BAZ2A: variants seen among roughly 807,000 people sequenced by gnomAD.
The protein encoded by BAZ2A is bromodomain adjacent to zinc finger domain protein 2A.
Under a neutral mutation model 199.9 loss-of-function variants are expected in BAZ2A, and 34 were observed. The observed-to-expected ratio is 0.17, with a 90% CI of 0.13 to 0.23. The LOEUF (loss-of-function observed/expected upper bound fraction) is 0.23. Ranked by LOEUF, BAZ2A falls within the 10% of genes least tolerant of loss-of-function variation. The probability of loss-of-function intolerance (pLI) is 1.00; values close to 1 mark genes in which losing one functional copy is unlikely to be tolerated. For missense variants in BAZ2A, 2,002 were observed against 2,391.1 expected, an observed-to-expected ratio of 0.84 and a Z score of 3.39; for synonymous variants, 857 against 883.9, an observed-to-expected ratio of 0.97 and a Z score of 0.54.
upstream of BAZ2A, among the ~76,000 whole-genome samples, chr12:56,632,627 C>A (rs1951345614): frequency 6.6e-6 from 1 of 152,046 alleles, no homozygotes; most frequent in African/African-American, 2.4e-5. Flanking sequence ...CAGCCAGGAG[C>A]GGTTAGGAAG....
chr12:56,609,032 C>T (rs1233863209), intron 10 of BAZ2A, among the ~76,000 whole-genome samples: 3 of 151,852 alleles, frequency 2.0e-5, no homozygotes, highest in African/African-American at 7.3e-5. Context: ...CACCACCACG[C>T]CCAGCTAATT....
intron 3 of BAZ2A, chr12:56,614,356 G>A: frequency 2.0e-6 from 1 of 488,938 alleles, no homozygotes; most frequent in Non-Finnish European, 3.7e-6. Flanking sequence ...AAGAGAGTGG[G>A]GTCTGATACA....
Position 56,599,226 on chromosome 12 carries a change from G to A in BAZ2A, c.5305C>T (p.Pro1769Ser). ...TCCGAGTACCGAGGCCCTGCTGCTG[G>A]GCTTTCTCGGCCCCTCAACAGTACC... Reference protein sequence around the residue: ...RRVLLRGRESPAAGPRYSEEG... With the variant: ...RRVLLRGRESSAAGPRYSEEG... The change falls in exon 27 of 29, where the codon CCA becomes TCA. Residue 1769 changes from proline (P) to serine (S), a missense_variant. This residue lies in a region of BAZ2A where 122 missense variants were observed against 123.0 expected (regional missense o/e 0.99). Transcript: ENST00000549884. The A allele has an allele frequency of 6.2e-7, 1 of 1,613,230 alleles. No individual in the cohort carries two copies. The highest frequency in any genetic ancestry group is 8.5e-7 in the Non-Finnish European group (1 of 1,179,674).
intron 13 of BAZ2A, 162 bp downstream of exon 13, chr12:56,605,668 C>G: frequency 1.2e-6 from 1 of 807,808 alleles, no homozygotes; most frequent in Non-Finnish European, 1.9e-6. Flanking sequence ...GCGATCTGCC[C>G]GCCTCGGCCT....
intron 3 of BAZ2A, 54 bp downstream of exon 3, chr12:56,614,960 C>A (rs765853025): frequency 6.7e-7 from 1 of 1,483,296 alleles, no homozygotes. Flanking sequence ...AAGCCACTAT[C>A]CCCCCCGAGC....
upstream of BAZ2A, among the ~76,000 whole-genome samples, chr12:56,632,984 T>G (rs1010358973): frequency 2.0e-5 from 3 of 152,218 alleles, 1 homozygote; most frequent in Admixed American, 2.0e-4. Flanking sequence ...TCCCCACCCA[T>G]TTCCCTTCAG....
chr12:56,625,899 A>C (rs1565836570), intron 1 of BAZ2A, among the ~76,000 whole-genome samples: 1 of 148,368 alleles, frequency 6.7e-6, no homozygotes, highest in Admixed American at 6.7e-5. Context: ...AAAAAAAAAC[A>C]ACAACAAAAA....
chr12:56,625,913 TCTTC>T (rs981887940), intron 1 of BAZ2A, among the ~76,000 whole-genome samples: 23 of 151,652 alleles, frequency 1.5e-4, no homozygotes, highest in African/African-American at 5.3e-4. Context: ...ACAAAAAACT[TCTTC>T]CTTTCTTTGG....
chr12:56,627,447 C>A (rs1355449864), intron 1 of BAZ2A, among the ~76,000 whole-genome samples: 37 of 135,302 alleles, frequency 2.7e-4, no homozygotes, highest in African/African-American at 1.1e-3. Flanking sequence ...GCCTGGGCAA[C>A]AGAGCGAGAC....
rs1565825999 is a variant in BAZ2A at position 56,615,175 on chromosome 12, G to A, written c.569C>T (p.Thr190Ile). 2 of 1,613,796 alleles carry A rather than the reference G, an allele frequency of 1.2e-6. No individual in the cohort carries two copies. Among genetic ancestry groups the A allele is most frequent in the Admixed American group, 1.7e-5 (1 of 59,984 alleles). Residue 190 changes from threonine (T) to isoleucine (I), a missense_variant, in exon 3 of 29, where the codon ACT becomes ATT. Physicochemically the swap from Thr to Ile is moderately conservative, Grantham distance 89. Coordinates refer to ENST00000549884, the MANE Select transcript of BAZ2A (RefSeq NM_001300905.2). ...GPPSFFTSPQ[T>I]SPMLGSSIQT... Reference sequence around the variant, plus strand: ...AATGCTAGATCCCAACATAGGAGAAGTCTGTGGGGAGGTGAAAAAACTAGG... The same window carrying A: ...AATGCTAGATCCCAACATAGGAGAAATCTGTGGGGAGGTGAAAAAACTAGG...
intron 12 of BAZ2A, 28 bp downstream of exon 12, chr12:56,606,219 T>C (rs1950347494): frequency 1.2e-6 from 2 of 1,613,624 alleles, no homozygotes; most frequent in Non-Finnish European, 1.7e-6. Flanking sequence ...TTCGAAATTA[T>C]ACTTGGCAAG....
chr12:56,598,193 TAC>T lies in BAZ2A; in HGVS notation c.*423_*424del, dbSNP rs1205914276. ...GCCGTCACTGCGGGTCCGCACACAG[TAC>T]AGAGTGTTTCTTGGTTTCACACATT... On this transcript the variant is annotated 3_prime_UTR_variant, in exon 29 of 29. Transcript: ENST00000549884. 2 of 205,436 alleles carry T rather than the reference TAC, an allele frequency of 9.7e-6. No homozygotes were observed. Among genetic ancestry groups the T allele is most frequent in the Admixed American group, 5.3e-5 (1 of 18,884 alleles). The allele number at this position is 205,436 out of a possible 1,614,324, so 12.7% of individuals were successfully genotyped here. A position where few individuals can be genotyped will look rare whatever the true frequency, so the allele number is the denominator to read the frequency against.
chr12:56,602,232 A>AC, intron 19 of BAZ2A, 40 bp from the exon 20 acceptor site: 4 of 1,489,256 alleles, frequency 2.7e-6, no homozygotes, highest in Non-Finnish European at 3.6e-6. Flanking sequence ...ATGCTGACAT[A>AC]CAAGGGAAAA....
rs1950580184 is a variant in BAZ2A, at chr12:56,612,218, A to G, written c.1164T>C (p.Ser388=). 1.2e-6 allele frequency: 2 copies of G among 1,613,720 alleles called. No homozygotes were observed. Among genetic ancestry groups the G allele is most frequent in the Admixed American group, 3.3e-5 (2 of 60,000 alleles). The change falls in exon 6 of 29, where the codon AGT becomes AGC. Residue 388 remains serine, a synonymous_variant. Coordinates refer to ENST00000549884, the MANE Select transcript of BAZ2A (RefSeq NM_001300905.2). ...QDNSFDLNNG[S]DAEQEEMETQ... is the part of the protein sequence containing the mutation. ...TTTCCATTTCTTCCTGTTCAGCGTC[A>G]CTACCATTATTCAGGTCAAAGCTGT...
chr12:56,598,799 G>C lies in BAZ2A; in HGVS notation c.5547-16C>G, dbSNP rs1189756531. ...GCTGGTGTACCTGGACAGGGCAGGG[G>C]CAAAACTGTGAGCTGGGTAGGAGTT... is the stretch of plus-strand genomic sequence containing the variant. On this transcript the variant is annotated splice_polypyrimidine_tract_variant and intron_variant, in intron 28 of 28. Coordinates refer to ENST00000549884, the MANE Select transcript of BAZ2A (RefSeq NM_001300905.2). The C allele has an allele frequency of 1.2e-6, 2 of 1,609,948 alleles. No homozygotes were observed. Among genetic ancestry groups the C allele is most frequent in the Admixed American group, 1.7e-5 (1 of 59,266 alleles).
chr12:56,631,316 T>C (rs1172752236), upstream of BAZ2A, among the ~76,000 whole-genome samples: 1 of 151,922 alleles, frequency 6.6e-6, no homozygotes, highest in Non-Finnish European at 1.5e-5. Flanking sequence ...CTGGGTGTGG[T>C]GGCGTGCCCC....
intron 28 of BAZ2A, 29 bp from the exon 29 acceptor site, chr12:56,598,812 C>G (rs769225319): frequency 1.2e-6 from 2 of 1,609,918 alleles, no homozygotes; most frequent in South Asian, 2.2e-5. Flanking sequence ...AAACTGTGAG[C>G]TGGGTAGGAG....
chr12:56,636,164 G>T, intron 1 of BAZ2A: 3 of 1,589,914 alleles, frequency 1.9e-6, no homozygotes, highest in Non-Finnish European at 2.6e-6. Flanking sequence ...CTTCCCCGGG[G>T]CTGGTCCCCA....
intron 16 of BAZ2A, among the ~76,000 whole-genome samples, chr12:56,603,967 T>C (rs1438345669): frequency 6.6e-6 from 1 of 151,946 alleles, no homozygotes; most frequent in Admixed American, 6.6e-5. Context: ...GAGCCAAGAT[T>C]GCGCTATCGC....
Sources: gnomAD v4.1 joint callset for allele counts (sites outside exome capture counted in the v4.1 genomes callset) on GRCh38, gnomAD v4.1.1 for gene constraint, gnomAD v4.1.1 regional missense constraint, MANE v1.5 for transcripts, NCBI Gene and HGNC (gene_info 2026-07-23, HGNC 2026-07-21) for gene names.